Variants in SAV1 observed in about 807,000 individuals in gnomAD.
The protein encoded by SAV1 is salvador family WW domain containing protein 1.
SAV1 carries 23 observed loss-of-function variants against 47.3 expected under a neutral mutation model. The observed-to-expected ratio is 0.49, with a 90% CI of 0.35 to 0.69. SAV1 has a LOEUF of 0.69. Ranked by LOEUF, SAV1 falls within the 30% of genes least tolerant of loss-of-function variation. The pLI is 0.01. For synonymous variants in SAV1, 155 were observed against 159.2 expected (o/e 0.97, Z 0.20); for missense variants, 448 against 457.4 (o/e 0.98, Z 0.19).
chr14:50,658,393 C>G (rs2039830641), intron 2 of SAV1, among the ~76,000 whole-genome samples: 1 of 152,172 alleles, frequency 6.6e-6, no homozygotes, highest in African/African-American at 2.4e-5. Context: ...CAGCAGGATT[C>G]CTTTCTTTGG....
chr14:50,667,176 G>A (rs1220976004), intron 1 of SAV1, among the ~76,000 whole-genome samples: 3 of 151,822 alleles, frequency 2.0e-5, no homozygotes. Flanking sequence ...GGGGACCGGA[G>A]GTGGGGATTG....
Position 50,667,925 on chromosome 14 carries a change from C to T in SAV1, c.43G>A (p.Ala15Thr). The T allele has an allele frequency of 1.2e-6, 2 of 1,612,766 alleles. No homozygotes were observed. Among genetic ancestry groups the T allele is most frequent in the Non-Finnish European group, 1.7e-6 (2 of 1,179,476 alleles). ...TTCACGTACTTCCCCTGCACCTCGG[C>T]CGGCTTGGACACTTCGTTTTTGGTT... ...KKTKNEVSKP[A>T]EVQGKYVKKE... is the part of the protein sequence containing the mutation. The change falls in exon 1 of 5, where the codon GCC becomes ACC. Residue 15 changes from alanine to threonine, a missense_variant. Transcript: ENST00000324679.
intron 2 of SAV1, among the ~76,000 whole-genome samples, chr14:50,661,118 A>G (rs530322037): frequency 1.3e-5 from 2 of 152,278 alleles, no homozygotes; most frequent in African/African-American, 4.8e-5. Context: ...CACTCTCACC[A>G]GTAGTATATT....
chr14:50,653,733 G>A (rs2039789568), intron 2 of SAV1, among the ~76,000 whole-genome samples: 1 of 152,086 alleles, frequency 6.6e-6, no homozygotes, highest in South Asian at 2.1e-4. Flanking sequence ...GCTGGGCCTG[G>A]TGGCGCATAC....
chr14:50,663,650 T>C (rs1244170569), intron 2 of SAV1, among the ~76,000 whole-genome samples: 1 of 152,206 alleles, frequency 6.6e-6, no homozygotes, highest in Non-Finnish European at 1.5e-5. Flanking sequence ...TCCTAAACTC[T>C]AATTCTCATT....
rs778229338 is a variant in SAV1 at position 50,644,833 on chromosome 14, T to C, written c.717A>G (p.Gly239=). 3.1e-6 allele frequency: 5 copies of C among 1,614,144 alleles called. No individual in the cohort carries two copies. Among genetic ancestry groups the C allele is most frequent in the Non-Finnish European group, 4.2e-6 (5 of 1,180,000 alleles). The change falls in exon 3 of 5, where the codon GGA becomes GGG. Residue 239 remains glycine (G), a synonymous_variant. Transcript: ENST00000324679. ...ATTCGGATGACTCAACTCGTTCCCATCCAGGAGGAAGTCCTTCTCGCTCAA... is the reference window on the plus strand; with the variant it reads ...ATTCGGATGACTCAACTCGTTCCCACCCAGGAGGAAGTCCTTCTCGCTCAA... ...HPLEREGLPP[G]WERVESSEFG...
At chr14:50,642,101 T>G (rs78637945) in intron 3 of SAV1, among the ~76,000 whole-genome samples, 5,752 of 152,196 alleles carry the variant, frequency 0.038, 160 homozygotes, top group Non-Finnish European at 0.059. Context: ...AGTGAATTAA[T>G]GCAGGAAGAG....
At chr14:50,653,291 T>C (rs1307633428) in intron 2 of SAV1, among the ~76,000 whole-genome samples, 1 of 152,222 alleles carries the variant, frequency 6.6e-6, no homozygotes, top group Admixed American at 6.5e-5. Flanking sequence ...TGGTTACTTT[T>C]GTAGGTGGCT....
intron 2 of SAV1, among the ~76,000 whole-genome samples, chr14:50,661,935 T>G (rs531425134): frequency 6.6e-6 from 1 of 152,314 alleles, no homozygotes; most frequent in Admixed American, 6.5e-5. Context: ...TGCTCAGGAT[T>G]ACTTTGGGTA....
At chr14:50,659,454 T>G (rs1408038077) in intron 2 of SAV1, among the ~76,000 whole-genome samples, 9 of 152,226 alleles carry the variant, frequency 5.9e-5, no homozygotes, top group Non-Finnish European at 4.4e-5. Flanking sequence ...TATGACTGCT[T>G]GCAAAGTCAT....
intron 3 of SAV1, 117 bp downstream of exon 3, chr14:50,644,627 A>G: frequency 4.2e-6 from 4 of 958,810 alleles, no homozygotes; most frequent in South Asian, 2.5e-5. Context: ...ATTTTGAAAT[A>G]TAAGGCTTTC....
At chr14:50,646,735 G>GT (rs1430050962) in intron 2 of SAV1, among the ~76,000 whole-genome samples, 3 of 149,904 alleles carry the variant, frequency 2.0e-5, no homozygotes, top group African/African-American at 7.4e-5. Flanking sequence ...GATACAGATA[G>GT]TTATTAAACA....
Position 50,646,777 on chromosome 14 carries a change from G to A in SAV1, c.536-1763C>T, listed in dbSNP as rs1746209262. Among the ~76,000 whole-genome samples, 4 of 151,330 alleles carry A rather than the reference G, an allele frequency of 2.6e-5. No individual in the cohort carries two copies. The South Asian group carries it at 8.3e-4, about 32-fold the overall frequency. ...AAAATGTATACTGAAAGGCAAAAGAGAACTAGAGTAGCCAAAACAATTTTT... is the reference window on the plus strand; with the variant it reads ...AAAATGTATACTGAAAGGCAAAAGAAAACTAGAGTAGCCAAAACAATTTTT... On this transcript the variant is annotated intron_variant, in intron 2 of 4. Coordinates refer to ENST00000324679, the MANE Select transcript of SAV1 (RefSeq NM_021818.4).
At chr14:50,652,722 C>T (rs1025860124) in intron 2 of SAV1, among the ~76,000 whole-genome samples, 2 of 152,250 alleles carry the variant, frequency 1.3e-5, no homozygotes, top group African/African-American at 4.8e-5. Context: ...ATGAGAAAAA[C>T]ATCAGACTTT....
chr14:50,650,646 C>A (rs2039760033), intron 2 of SAV1, among the ~76,000 whole-genome samples: 1 of 152,214 alleles, frequency 6.6e-6, no homozygotes, highest in Non-Finnish European at 1.5e-5. Flanking sequence ...GATACCATAT[C>A]ATGAGAAGCC....
chr14:50,659,771 G>A (rs751790629), intron 2 of SAV1, among the ~76,000 whole-genome samples: 73 of 152,300 alleles, frequency 4.8e-4, no homozygotes, highest in Middle Eastern at 6.8e-3. Flanking sequence ...GCTTGAGCCC[G>A]AGGTCGAGGC....
At chr14:50,659,347 G>A (rs756588792) in intron 2 of SAV1, among the ~76,000 whole-genome samples, 18 of 152,130 alleles carry the variant, frequency 1.2e-4, no homozygotes, top group Non-Finnish European at 2.2e-4. Context: ...TCCTGCTGAA[G>A]CCTCCCTCAT....
At chr14:50,666,149 T>C (rs2039899969) in intron 1 of SAV1, among the ~76,000 whole-genome samples, 1 of 152,140 alleles carries the variant, frequency 6.6e-6, no homozygotes, top group Non-Finnish European at 1.5e-5. Context: ...AGCTCTTTCT[T>C]CTCTTGGAAT....
chr14:50,641,357 G>C (rs563927516), intron 3 of SAV1, among the ~76,000 whole-genome samples: 1 of 151,216 alleles, frequency 6.6e-6, no homozygotes, highest in African/African-American at 2.4e-5. Context: ...ATGGGAGTCA[G>C]AGTTGATCAG....
Sources: gnomAD v4.1 joint callset for allele counts (sites outside exome capture counted in the v4.1 genomes callset) on GRCh38, gnomAD v4.1.1 for gene constraint, MANE v1.5 for transcripts, NCBI Gene and HGNC (gene_info 2026-07-23, HGNC 2026-07-21) for gene names.